The following RGS12 variants were observed in gnomAD, a reference collection of about 807,000 sequenced individuals.
The protein encoded by RGS12 is regulator of G-protein signaling 12.
RGS12 carries 66 observed loss-of-function variants against 120.1 expected under a neutral mutation model. The observed-to-expected ratio is 0.55, with a 90% CI of 0.45 to 0.67. The LOEUF (loss-of-function observed/expected upper bound fraction) is 0.67. RGS12 is among the 30% of genes least tolerant of loss of function. RGS12 has a pLI of 0.00. For synonymous variants in RGS12, 827 were observed against 804.7 expected, an observed-to-expected ratio of 1.03 and a Z score of -0.47; for missense variants, 1,859 against 1,957.7, an observed-to-expected ratio of 0.95 and a Z score of 0.95.
At chr4:3,287,008 G>A in the RGS12 span, among the ~76,000 whole-genome samples, 2 of 152,334 alleles carry the variant, frequency 1.3e-5, no homozygotes, top group East Asian at 3.9e-4. Context: ...GAATGGGTTG[G>A]GGCCAGCATC....
chr4:3,352,959 G>T (rs902030430), intron 3 of RGS12, among the ~76,000 whole-genome samples: 1 of 152,170 alleles, frequency 6.6e-6, no homozygotes, highest in African/African-American at 2.4e-5. Flanking sequence ...AAAATAATTT[G>T]TCCCTTTCTT....
At position 3,420,195 on chromosome 4, in the gene RGS12, G is replaced by A. The variant is rs559354639; in HGVS notation, c.2762-447G>A. On this transcript the variant is annotated intron_variant, in intron 9 of 17. Coordinates refer to ENST00000336727, the MANE Select transcript of RGS12 (RefSeq NM_001394154.1). ...CTGGAGGCCGCATCCGGCTGAGAGC[G>A]CTGGCTGTTGCCACAGTTGGGGGTT... is the stretch of plus-strand genomic sequence containing the variant. 5.8e-4 allele frequency among the ~76,000 whole-genome samples: 89 copies of A among 152,314 alleles called. 1 individual carries two copies. The South Asian group carries it at 0.016, about 27-fold the overall frequency.
intron 4 of RGS12, among the ~76,000 whole-genome samples, chr4:3,398,837 C>CT (rs1247292660): frequency 6.6e-6 from 1 of 152,074 alleles, no homozygotes; most frequent in Non-Finnish European, 1.5e-5. Context: ...GGAAAATACA[C>CT]TTTTTTTCTA....
rs1406096174 is a variant in RGS12, at chr4:3,413,159, C to G, written c.2021-913C>G. 2.5e-5 allele frequency: 2 copies of G among 81,094 alleles called. 1 individual carries two copies. Among genetic ancestry groups the G allele is most frequent in the East Asian group, 5.6e-4 (2 of 3,596 alleles). The allele number at this position is 81,094 out of a possible 1,614,324, so 5.0% of individuals were successfully genotyped here. ...CCCACACTGCTCGCGTCAGGAGGGA[C>G]GGGGGCGCCCCCACACTGCTCGCGT... is the stretch of plus-strand genomic sequence containing the variant. On this transcript the variant is annotated intron_variant, in intron 4 of 17. Transcript: ENST00000336727.
chr4:3,358,975 T>A (rs1176620637), intron 3 of RGS12, among the ~76,000 whole-genome samples: 2 of 45,824 alleles, frequency 4.4e-5, no homozygotes, highest in Admixed American at 2.4e-4. Context: ...CCTCCCCTCC[T>A]CCCTCTCCTC....
intron 4 of RGS12, among the ~76,000 whole-genome samples, chr4:3,411,842 C>G (rs1721766746): frequency 1.3e-5 from 2 of 152,288 alleles, no homozygotes; most frequent in Admixed American, 1.3e-4. Flanking sequence ...TTGGCCCCAG[C>G]CCTCCTGGCT....
intron 3 of RGS12, among the ~76,000 whole-genome samples, chr4:3,373,292 C>T (rs1169767838): frequency 1.3e-5 from 2 of 152,216 alleles, no homozygotes; most frequent in South Asian, 2.1e-4. Flanking sequence ...GCTCCAGGGT[C>T]CCCCGACAGA....
At chr4:3,413,493 A>T (rs1171660301) in intron 4 of RGS12, 2 of 152,734 alleles carry the variant, frequency 1.3e-5, no homozygotes, top group African/African-American at 4.8e-5. Context: ...AGCAGTGTGC[A>T]GTCACGGGTG....
In RGS12 at chr4:3,372,199, G is replaced by A. The variant is rs1717082865; in HGVS notation, c.1999-14217G>A. Among the ~76,000 whole-genome samples the A allele has an allele frequency of 6.6e-6, 1 of 152,204 alleles. No individual in the cohort carries two copies. On this transcript the variant is annotated intron_variant, in intron 3 of 17. Transcript: ENST00000336727. The surrounding 1 kb of genome is among the most constrained non-coding windows in gnomAD (Gnocchi z 4.3). ...TGCCTGGAGGAAGAGAGCCCTTGTG[G>A]TCTGTCTGCGCACCCCTCCCAGGGT...
intron 3 of RGS12, among the ~76,000 whole-genome samples, chr4:3,355,513 A>G (rs935746588): frequency 6.6e-6 from 1 of 152,196 alleles, no homozygotes; most frequent in African/African-American, 2.4e-5. Flanking sequence ...AGAAGATCCA[A>G]AAGTCCCGTG....
At chr4:3,343,724 C>T (rs1483710083) in intron 3 of RGS12, among the ~76,000 whole-genome samples, 1 of 151,962 alleles carries the variant, frequency 6.6e-6, no homozygotes, top group Non-Finnish European at 1.5e-5. Flanking sequence ...AAAGCCGCCG[C>T]CCTGGAAATC....
intron 3 of RGS12, among the ~76,000 whole-genome samples, chr4:3,362,453 G>T (rs1242127214): frequency 6.8e-6 from 1 of 146,370 alleles, no homozygotes; most frequent in Non-Finnish European, 1.5e-5. Flanking sequence ...TGTGTGTGAG[G>T]GTGCGAGGGT....
At chr4:3,437,785 C>T (rs935282287) in intron 17 of RGS12, among the ~76,000 whole-genome samples, 2 of 152,198 alleles carry the variant, frequency 1.3e-5, no homozygotes, top group Admixed American at 6.5e-5. Context: ...TGGGCTGCTG[C>T]GTCGAGGCCA....
Position 3,316,990 on chromosome 4 carries a change from A to T in RGS12, c.820A>T (p.Met274Leu). Residue 274 changes from methionine (M) to leucine (L), a missense_variant, in exon 2 of 18, where the codon ATG becomes TTG. Coordinates refer to ENST00000336727, the MANE Select transcript of RGS12 (RefSeq NM_001394154.1). ...GCAGAAAATCCACTCGCTGGTGACC[A>T]TGAAGATCATGCACGACTGTGTGCA... Reference protein sequence around the residue: ...AEQKIHSLVTMKIMHDCVQLS... With the variant: ...AEQKIHSLVTLKIMHDCVQLS... 1 of 1,613,816 alleles carries T rather than the reference A, an allele frequency of 6.2e-7. No individual in the cohort carries two copies.
intron 2 of RGS12, among the ~76,000 whole-genome samples, chr4:3,327,643 T>C (rs1288397253): frequency 2.6e-5 from 4 of 152,252 alleles, no homozygotes; most frequent in South Asian, 2.1e-4. Context: ...AAAGAAGATA[T>C]ACAAACGTTC....
At chr4:3,345,683 G>T (rs868287971) in intron 3 of RGS12, among the ~76,000 whole-genome samples, 1 of 152,200 alleles carries the variant, frequency 6.6e-6, no homozygotes, top group Non-Finnish European at 1.5e-5. Flanking sequence ...ATCTCAACGC[G>T]CTGGGCCAGC....
intron 3 of RGS12, among the ~76,000 whole-genome samples, chr4:3,363,265 C>G (rs961500947): frequency 1.3e-5 from 2 of 152,112 alleles, no homozygotes; most frequent in African/African-American, 4.8e-5. Flanking sequence ...ATTATTTCTG[C>G]AAAGTGGCAT....
At chr4:3,331,693 G>A (rs147716887) in intron 2 of RGS12, among the ~76,000 whole-genome samples, 77 of 152,288 alleles carry the variant, frequency 5.1e-4, no homozygotes, top group African/African-American at 1.8e-3. Context: ...GAAGGGTGGC[G>A]TTGGCCATCA....
rs1393448572 is a variant in RGS12 at position 3,374,743 on chromosome 4, A to G, written c.1999-11673A>G. ...ATTGCTGCAGCCTGCCCTCGTCCCC[A>G]TCTCTTGCCTGGAGCACCACAGAGC... On this transcript the variant is annotated intron_variant, in intron 3 of 17. Transcript: ENST00000336727. This position sits in a 1 kb window ranked among gnomAD's most constrained non-coding sequence, Gnocchi z 6.3. 6.6e-6 allele frequency among the ~76,000 whole-genome samples: 1 copy of G among 151,684 alleles called. No homozygotes were observed. Among genetic ancestry groups the G allele is most frequent in the African/African-American group, 2.4e-5 (1 of 41,252 alleles).
Sources: gnomAD v4.1 joint callset for allele counts (sites outside exome capture counted in the v4.1 genomes callset) on GRCh38, gnomAD v4.1.1 for gene constraint, Gnocchi (gnomAD v3.1) non-coding constraint, MANE v1.5 for transcripts, NCBI Gene and HGNC (gene_info 2026-07-23, HGNC 2026-07-21) for gene names.